Variants in DLG2 observed in about 807,000 individuals in gnomAD.
The protein encoded by DLG2 is disks large homolog 2.
DLG2 carries 45 observed loss-of-function variants against 132.5 expected under a neutral mutation model. The ratio of observed to expected loss-of-function variants is 0.34; its 90% CI spans 0.27 to 0.44. The LOEUF is 0.44. Among genes scored for constraint, DLG2 ranks in the 20% least tolerant of loss-of-function variants. DLG2 has a pLI of 1.00. For missense variants in DLG2, 1,045 were observed against 1,196.9 expected, an observed-to-expected ratio of 0.87 and a Z score of 1.87; for synonymous variants, 424 against 419.6, an observed-to-expected ratio of 1.01 and a Z score of -0.13.
chr11:84,926,004 C>T (rs2092964322), intron 6 of DLG2, among the ~76,000 whole-genome samples: 1 of 152,092 alleles, frequency 6.6e-6, no homozygotes, highest in Non-Finnish European at 1.5e-5. Flanking sequence ...GTAAATTATA[C>T]ACAATGACAA....
intron 6 of DLG2, among the ~76,000 whole-genome samples, chr11:84,715,582 C>G (rs542306637): frequency 5.7e-4 from 87 of 152,166 alleles, no homozygotes; most frequent in African/African-American, 2.0e-3. Flanking sequence ...TGTATGTGTT[C>G]TACTTTTTTT....
intron 19 of DLG2, among the ~76,000 whole-genome samples, chr11:83,547,000 AT>A (rs1443194637): frequency 2.0e-5 from 3 of 152,126 alleles, no homozygotes; most frequent in Non-Finnish European, 4.4e-5. Flanking sequence ...ATTTCCTACG[AT>A]ACCAACCTCT....
chr11:85,339,685 T>G (rs952520393), intron 3 of DLG2, among the ~76,000 whole-genome samples: 4 of 152,250 alleles, frequency 2.6e-5, no homozygotes, highest in African/African-American at 4.8e-5. Flanking sequence ...TTTATTGGCT[T>G]TTCAGTCATT....
At chr11:83,787,542 C>T (rs899068345) in intron 17 of DLG2, among the ~76,000 whole-genome samples, 1 of 151,666 alleles carries the variant, frequency 6.6e-6, no homozygotes, top group Non-Finnish European at 1.5e-5. Context: ...AGGATGGTCT[C>T]GATCTCCTGA....
chr11:85,123,240 G>A (rs1393046003), intron 5 of DLG2, among the ~76,000 whole-genome samples: 3 of 151,810 alleles, frequency 2.0e-5, no homozygotes, highest in Non-Finnish European at 4.4e-5. Context: ...GCCTCCCAAA[G>A]TGCTGGGATT....
chr11:84,754,958 T>TA (rs2066662628), intron 6 of DLG2, among the ~76,000 whole-genome samples: 2 of 152,146 alleles, frequency 1.3e-5, no homozygotes, highest in African/African-American at 4.8e-5. Context: ...CTCTAAAAAA[T>TA]AAAGTCCAAA....
intron 6 of DLG2, among the ~76,000 whole-genome samples, chr11:85,000,576 C>T (rs1485282248): frequency 6.6e-6 from 1 of 152,094 alleles, no homozygotes; most frequent in Non-Finnish European, 1.5e-5. Context: ...AATGTGAATA[C>T]CATTTTTTAG....
intron 11 of DLG2, among the ~76,000 whole-genome samples, chr11:84,003,932 A>G (rs2154051698): frequency 6.6e-6 from 1 of 152,174 alleles, no homozygotes; most frequent in Admixed American, 6.6e-5. Flanking sequence ...ATTAAGTAGG[A>G]AGTCTGAAAT....
intron 4 of DLG2, among the ~76,000 whole-genome samples, chr11:85,206,069 A>G (rs1004843591): frequency 2.6e-5 from 4 of 152,050 alleles, no homozygotes; most frequent in African/African-American, 9.7e-5. Context: ...CCCCTACTGT[A>G]CTATCCTCAA....
At chr11:85,289,390 C>T (rs1212726928) in intron 3 of DLG2, among the ~76,000 whole-genome samples, 1 of 152,124 alleles carries the variant, frequency 6.6e-6, no homozygotes, top group Admixed American at 6.6e-5. Context: ...AATCCTCCTT[C>T]TCCTTCAATG....
chr11:83,993,013 A>G (rs2093809581), intron 11 of DLG2, among the ~76,000 whole-genome samples: 1 of 152,104 alleles, frequency 6.6e-6, no homozygotes, highest in Non-Finnish European at 1.5e-5. Flanking sequence ...GGGTTTGGAG[A>G]CTGTAGATTA....
At chr11:84,850,177 T>C (rs2082009809) in intron 6 of DLG2, among the ~76,000 whole-genome samples, 1 of 152,132 alleles carries the variant, frequency 6.6e-6, no homozygotes, top group Non-Finnish European at 1.5e-5. Context: ...TATGTTGCCC[T>C]GTTACTGAAT....
At chr11:83,586,900 G>C (rs12577726) in intron 19 of DLG2, among the ~76,000 whole-genome samples, 2 of 152,174 alleles carry the variant, frequency 1.3e-5, no homozygotes, top group African/African-American at 2.4e-5. Context: ...ATTCACACCA[G>C]GGTTGTGAAA....
At chr11:83,902,435 A>G (rs2073726419) in intron 15 of DLG2, among the ~76,000 whole-genome samples, 1 of 152,232 alleles carries the variant, frequency 6.6e-6, no homozygotes, top group Non-Finnish European at 1.5e-5. Context: ...GGGAATATTT[A>G]CACTCTTACT....
chr11:84,107,198 C>A (rs1032557995), intron 9 of DLG2, among the ~76,000 whole-genome samples: 2 of 151,814 alleles, frequency 1.3e-5, no homozygotes, highest in African/African-American at 4.8e-5. Context: ...AAAACATAAT[C>A]TTGAAGGAGG....
intron 5 of DLG2, among the ~76,000 whole-genome samples, chr11:85,133,436 C>A (rs746702131): frequency 4.6e-5 from 7 of 152,154 alleles, no homozygotes; most frequent in Non-Finnish European, 1.0e-4. Flanking sequence ...GTACTGCATA[C>A]ATCACATCTC....
At chr11:84,561,633 C>T (rs1175198359) in intron 6 of DLG2, among the ~76,000 whole-genome samples, 1 of 152,034 alleles carries the variant, frequency 6.6e-6, no homozygotes, top group African/African-American at 2.4e-5. Context: ...ATTTATAATT[C>T]CTCAATAAAT....
chr11:84,186,614 T>C (rs947908400), intron 8 of DLG2, among the ~76,000 whole-genome samples: 3 of 151,988 alleles, frequency 2.0e-5, no homozygotes, highest in African/African-American at 7.2e-5. Context: ...CCACCTCTAA[T>C]ACCCCACAGA....
chr11:84,027,932 CAGA>C (rs1192645973), intron 11 of DLG2, among the ~76,000 whole-genome samples: 2 of 151,666 alleles, frequency 1.3e-5, no homozygotes, highest in Admixed American at 1.3e-4. Flanking sequence ...TAAGAATGTA[CAGA>C]AGGACAATTG....
Sources: allele counts gnomAD v4.1 joint callset (sites outside exome capture counted in the v4.1 genomes callset), GRCh38; gene constraint gnomAD v4.1.1; transcripts MANE v1.5; gene names NCBI Gene and HGNC (gene_info 2026-07-23, HGNC 2026-07-21).